SUSD5: variants seen among roughly 807,000 people sequenced by gnomAD.
SUSD5 encodes the protein sushi domain containing 5.
Under a neutral mutation model 29.5 loss-of-function variants are expected in SUSD5, and 33 were observed. That is an observed-to-expected ratio of 1.12 (90% CI 0.85 to 1.49). The LOEUF is 1.49. Ranked by LOEUF, SUSD5 falls within the 40% of genes most tolerant of loss-of-function variation. The pLI is 0.00. For synonymous variants in SUSD5, 308 were observed against 325.3 expected (o/e 0.95, Z 0.57); for missense variants, 776 against 800.6 (o/e 0.97, Z 0.37).
chr3:33,196,705 G>A (rs558467867), intron 3 of SUSD5, among the ~76,000 whole-genome samples: 1 of 152,118 alleles, frequency 6.6e-6, no homozygotes, highest in Non-Finnish European at 1.5e-5. Context: ...TCCATATAAG[G>A]ACACTTTTGA....
In SUSD5 at chr3:33,153,601, T is replaced by A. The variant is rs2030971474; in HGVS notation, c.1031A>T (p.Asp344Val). The part of the protein sequence containing the change: ...PETKVIYGNT[D>V]GPSGPFVGKN... ...GCCCACAAATGGCCCCGAGGGACCA[T>A]CAGTGTTGCCGTAGATCACCTTGGT... Residue 344 changes from aspartate (D) to valine (V), a missense_variant, in exon 5 of 5, where the codon GAT becomes GTT. Coordinates refer to ENST00000309558, the MANE Select transcript of SUSD5 (RefSeq NM_015551.2). The A allele has an allele frequency of 3.7e-6, 6 of 1,613,886 alleles. No individual in the cohort carries two copies. The South Asian group carries it at 6.6e-5, about 18-fold the overall frequency.
intron 4 of SUSD5, among the ~76,000 whole-genome samples, chr3:33,161,662 G>A (rs899858011): frequency 6.6e-6 from 1 of 151,938 alleles, no homozygotes; most frequent in African/African-American, 2.4e-5. Flanking sequence ...TGAGTTGAAA[G>A]TAAAAGAATT....
intron 2 of SUSD5, among the ~76,000 whole-genome samples, chr3:33,213,386 A>G (rs1263223999): frequency 1.3e-5 from 1 of 75,570 alleles, no homozygotes; most frequent in Non-Finnish European, 3.6e-5. Flanking sequence ...CCTGGTGGAC[A>G]GAGTGAGACC....
intron 4 of SUSD5, among the ~76,000 whole-genome samples, chr3:33,173,637 G>A (rs2125620225): frequency 6.6e-6 from 1 of 152,328 alleles, no homozygotes; most frequent in East Asian, 1.9e-4. Flanking sequence ...CATGGGATCT[G>A]CAGGACATTC....
chr3:33,203,937 T>C (rs567355389), intron 3 of SUSD5, among the ~76,000 whole-genome samples: 26 of 152,202 alleles, frequency 1.7e-4, no homozygotes, highest in African/African-American at 6.0e-4. Context: ...GAGAGAGACA[T>C]AGGGACCCAC....
chr3:33,201,585 C>A (rs946460403), intron 3 of SUSD5, among the ~76,000 whole-genome samples: 17 of 152,234 alleles, frequency 1.1e-4, no homozygotes, highest in African/African-American at 4.1e-4. Flanking sequence ...GAGCAGAAGA[C>A]CTCAGGTCTG....
chr3:33,157,991 C>A (rs1044735515), intron 4 of SUSD5, among the ~76,000 whole-genome samples: 1 of 151,182 alleles, frequency 6.6e-6, no homozygotes, highest in South Asian at 2.1e-4. Flanking sequence ...GCTTGGGGAG[C>A]AGGCCCCAAG....
intron 3 of SUSD5, among the ~76,000 whole-genome samples, chr3:33,188,836 T>C (rs757023517): frequency 1.3e-4 from 20 of 152,190 alleles, no homozygotes; most frequent in Non-Finnish European, 2.5e-4. Flanking sequence ...TTGTCAAAAC[T>C]TGTCAACTTT....
rs1238109194 is a variant in SUSD5 at position 33,167,568 on chromosome 3, C to T, written c.598+7318G>A. On this transcript the variant is annotated intron_variant, in intron 4 of 4. Coordinates refer to ENST00000309558, the MANE Select transcript of SUSD5 (RefSeq NM_015551.2). This position sits in a 1 kb window ranked among gnomAD's most constrained non-coding sequence, Gnocchi z 4.1. ...CCCAGGGCCCCGAACTAAGCTCTTCCTGTCTCCCCAGGTTCGCAGGTCAAG... is the reference window on the plus strand; with the variant it reads ...CCCAGGGCCCCGAACTAAGCTCTTCTTGTCTCCCCAGGTTCGCAGGTCAAG... Among the ~76,000 whole-genome samples the T allele has an allele frequency of 6.6e-6, 1 of 152,170 alleles. No individual in the cohort carries two copies. Among genetic ancestry groups the T allele is most frequent in the Non-Finnish European group, 1.5e-5 (1 of 68,028 alleles).
rs540897656 is a variant in SUSD5, at chr3:33,152,863, G to A, written c.1769C>T (p.Ala590Val). ...VTVLCLLLLL[A>V]GVGMVWGYRK... Reference sequence around the variant, plus strand: ...GTAGCCCCACACCATCCCCACACCTGCCAGGAGCAGCAGTAGGCACAGGAC... The same window carrying A: ...GTAGCCCCACACCATCCCCACACCTACCAGGAGCAGCAGTAGGCACAGGAC... The change falls in exon 5 of 5, where the codon GCA becomes GTA. Residue 590 changes from alanine to valine, a missense_variant. By Grantham distance (64) the Ala-to-Val change is moderately conservative. Transcript: ENST00000309558. The A allele has an allele frequency of 5.0e-5, 81 of 1,613,926 alleles. No homozygotes were observed. In the Admixed American group the frequency reaches 1.0e-3, roughly 20 times the overall value.
At chr3:33,191,342 G>T (rs2031886203) in intron 3 of SUSD5, among the ~76,000 whole-genome samples, 2 of 152,002 alleles carry the variant, frequency 1.3e-5, no homozygotes, top group Admixed American at 1.3e-4. Flanking sequence ...GTGTTAGCCA[G>T]GATGGTCTTG....
intron 3 of SUSD5, among the ~76,000 whole-genome samples, chr3:33,191,738 A>G (rs1377384784): frequency 1.3e-5 from 2 of 152,074 alleles, no homozygotes; most frequent in East Asian, 3.9e-4. Context: ...TCAGGCCAGG[A>G]GTTTTGAGAG....
intron 3 of SUSD5, among the ~76,000 whole-genome samples, chr3:33,183,863 T>C (rs2031723425): frequency 6.6e-6 from 1 of 151,676 alleles, no homozygotes; most frequent in Non-Finnish European, 1.5e-5. Context: ...GACAATTTCT[T>C]AGGGCATACA....
intron 3 of SUSD5, among the ~76,000 whole-genome samples, chr3:33,180,845 A>T (rs920209916): frequency 6.6e-6 from 1 of 151,462 alleles, no homozygotes; most frequent in Non-Finnish European, 1.5e-5. Flanking sequence ...GCCTCAAAAA[A>T]AAAATTTTTT....
intron 4 of SUSD5, among the ~76,000 whole-genome samples, chr3:33,154,296 G>GA (rs2030999021): frequency 2.6e-5 from 4 of 152,202 alleles, no homozygotes; most frequent in African/African-American, 9.7e-5. Context: ...GCCTAGGCAG[G>GA]TGGATCACTT....
At chr3:33,217,801 TTA>T (rs1380256789) in intron 1 of SUSD5, among the ~76,000 whole-genome samples, 2 of 152,184 alleles carry the variant, frequency 1.3e-5, no homozygotes, top group African/African-American at 2.4e-5. Context: ...CTTTTCTCTT[TTA>T]TCAGTCTAAT....
chr3:33,178,539 C>T (rs376952835), intron 3 of SUSD5, among the ~76,000 whole-genome samples: 259 of 152,092 alleles, frequency 1.7e-3, no homozygotes, highest in African/African-American at 5.9e-3. Context: ...CTCCGCCTCC[C>T]GGGATCATGC....
chr3:33,213,065 T>C (rs931651505), intron 2 of SUSD5, among the ~76,000 whole-genome samples: 4 of 152,200 alleles, frequency 2.6e-5, no homozygotes, highest in African/African-American at 9.7e-5. Flanking sequence ...TATATATATA[T>C]GCATTATTTG....
intron 3 of SUSD5, among the ~76,000 whole-genome samples, chr3:33,180,025 T>G (rs1165487158): frequency 6.6e-6 from 1 of 152,258 alleles, no homozygotes; most frequent in African/African-American, 2.4e-5. Context: ...CATACAATTA[T>G]GTACAGTACA....
Sources: allele counts gnomAD v4.1 joint callset (sites outside exome capture counted in the v4.1 genomes callset), GRCh38; gene constraint gnomAD v4.1.1; non-coding constraint Gnocchi (gnomAD v3.1); transcripts MANE v1.5; gene names NCBI Gene and HGNC (gene_info 2026-07-23, HGNC 2026-07-21).